TXNRD1: variants seen among roughly 807,000 people sequenced by gnomAD.
The protein encoded by TXNRD1 is thioredoxin reductase 1, also known as thioredoxin reductase 1, cytoplasmic.
In TXNRD1, 57 loss-of-function variants were observed where a neutral mutation model predicts 80.3. The observed-to-expected ratio is 0.71, with a 90% CI of 0.57 to 0.89. TXNRD1 has a LOEUF of 0.89. Among genes scored for constraint, TXNRD1 ranks in the 40% least tolerant of loss-of-function variants. The pLI, the probability that TXNRD1 is intolerant of heterozygous loss-of-function variation, is 0.00. For missense variants in TXNRD1, 730 were observed against 803.0 expected (o/e 0.91, Z 1.10); for synonymous variants, 291 against 285.2 (o/e 1.02, Z -0.20).
intron 3 of TXNRD1, chr12:104,286,860 C>A: frequency 9.2e-7 from 1 of 1,089,890 alleles, no homozygotes; most frequent in Non-Finnish European, 1.1e-6. Flanking sequence ...GTGGTGTCAC[C>A]CAATTAGGAG....
chr12:104,287,301 G>A (rs753640553), intron 3 of TXNRD1: 1 of 1,614,012 alleles, frequency 6.2e-7, no homozygotes, highest in Admixed American at 1.7e-5. Context: ...GCTTCGTGGC[G>A]TGTGCGGTTT....
chr12:104,345,892 G>A (rs901736599), intron 16 of TXNRD1: 6 of 1,130,086 alleles, frequency 5.3e-6, no homozygotes, highest in South Asian at 2.7e-5. Context: ...ACCCTTGTAC[G>A]AGTCCTGTGT....
chr12:104,318,367 A>G (rs1658790681), intron 7 of TXNRD1, among the ~76,000 whole-genome samples: 1 of 152,204 alleles, frequency 6.6e-6, no homozygotes, highest in African/African-American at 2.4e-5. Context: ...TTCTTGGGGC[A>G]TAGGGTCTCT....
intron 3 of TXNRD1, among the ~76,000 whole-genome samples, chr12:104,277,440 C>T (rs534866294): frequency 3.3e-4 from 50 of 151,584 alleles, no homozygotes; most frequent in Non-Finnish European, 6.2e-4. Context: ...TAGTGTGTGC[C>T]TCTGGCCAGC....
intron 13 of TXNRD1, among the ~76,000 whole-genome samples, chr12:104,331,247 A>C (rs2035937304): frequency 6.6e-6 from 1 of 152,184 alleles, no homozygotes; most frequent in South Asian, 2.1e-4. Context: ...AGGGGAAAAA[A>C]GTGTGTCATT....
chr12:104,305,734 A>G (rs554298643), intron 4 of TXNRD1, among the ~76,000 whole-genome samples: 99 of 152,318 alleles, frequency 6.5e-4, no homozygotes, highest in African/African-American at 2.2e-3. Context: ...ACTATTATAC[A>G]TTGAACACAA....
intron 1 of TXNRD1, among the ~76,000 whole-genome samples, chr12:104,240,594 G>A (rs557361603): frequency 6.6e-6 from 1 of 152,230 alleles, no homozygotes; most frequent in East Asian, 1.9e-4. Context: ...TTCTCAACTG[G>A]TATATAGTAT....
chr12:104,267,799 T>TTTCC (rs1217006695), intron 3 of TXNRD1, among the ~76,000 whole-genome samples: 290 of 141,048 alleles, frequency 2.1e-3, no homozygotes, highest in African/African-American at 7.3e-3. Flanking sequence ...TCCTTCCTTC[T>TTTCC]TTCCTTCCTT....
chr12:104,245,517 CAAAAAAAAAA>C (rs10622971), intron 1 of TXNRD1, among the ~76,000 whole-genome samples: 3 of 29,262 alleles, frequency 1.0e-4, no homozygotes, highest in African/African-American at 3.0e-4. Context: ...AACTCCATCT[CAAAAAAAAAA>C]AAAAAAAAAA....
intron 2 of TXNRD1, among the ~76,000 whole-genome samples, chr12:104,255,135 G>T (rs540871869): frequency 1.3e-5 from 2 of 151,786 alleles, no homozygotes; most frequent in Non-Finnish European, 2.9e-5. Context: ...TAAAAATTAA[G>T]AAATAAATAA....
At chr12:104,300,692 G>A (rs1447102148) in intron 4 of TXNRD1, among the ~76,000 whole-genome samples, 5 of 152,062 alleles carry the variant, frequency 3.3e-5, no homozygotes, top group Non-Finnish European at 5.9e-5. Flanking sequence ...TGTTTTTGAG[G>A]CGGGGTTTCG....
chr12:104,346,179 A>C, intron 16 of TXNRD1: 1 of 231,316 alleles, frequency 4.3e-6, no homozygotes, highest in South Asian at 5.1e-5. Flanking sequence ...TTTCCAGCTA[A>C]TATATATATA....
intron 1 of TXNRD1, among the ~76,000 whole-genome samples, chr12:104,229,259 C>T (rs2032554882): frequency 6.6e-6 from 1 of 150,416 alleles, no homozygotes; most frequent in African/African-American, 2.5e-5. Context: ...GCAATCCTCC[C>T]ACCTCAGCCT....
At chr12:104,314,100 G>A (rs1207052952) in intron 6 of TXNRD1, among the ~76,000 whole-genome samples, 2 of 152,186 alleles carry the variant, frequency 1.3e-5, no homozygotes, top group Non-Finnish European at 2.9e-5. Context: ...CTTCATGGTT[G>A]TGGCATGGAT....
chr12:104,325,523 C>A, intron 11 of TXNRD1, 94 bp downstream of exon 11: 1 of 879,384 alleles, frequency 1.1e-6, no homozygotes, highest in Non-Finnish European at 1.8e-6. Context: ...TTAGTGATTT[C>A]CAAATGTACT....
At chr12:104,231,829 G>T (rs1361365507) in intron 1 of TXNRD1, among the ~76,000 whole-genome samples, 1 of 152,050 alleles carries the variant, frequency 6.6e-6, no homozygotes, top group African/African-American at 2.4e-5. Flanking sequence ...ATCCCTTTTT[G>T]TTTCTTCCAA....
chr12:104,267,994 C>A (rs1939407410), intron 3 of TXNRD1, among the ~76,000 whole-genome samples: 1 of 151,286 alleles, frequency 6.6e-6, no homozygotes, highest in African/African-American at 2.4e-5. Context: ...GGATTACAGG[C>A]ACCTGCCACC....
At chr12:104,324,611 A>G (rs572752865) in intron 10 of TXNRD1, among the ~76,000 whole-genome samples, 2 of 149,242 alleles carry the variant, frequency 1.3e-5, no homozygotes, top group South Asian at 2.1e-4. Flanking sequence ...CGGCCTCCCA[A>G]AGTGCTGGGA....
At chr12:104,257,266 A>G (rs1430950159) in intron 2 of TXNRD1, among the ~76,000 whole-genome samples, 1 of 151,978 alleles carries the variant, frequency 6.6e-6, no homozygotes, top group Non-Finnish European at 1.5e-5. Context: ...ATAGTCTCAG[A>G]GCATAATAGG....
Sources: gnomAD v4.1 joint callset for allele counts (sites outside exome capture counted in the v4.1 genomes callset) on GRCh38, gnomAD v4.1.1 for gene constraint, MANE v1.5 for transcripts, NCBI Gene and HGNC (gene_info 2026-07-23, HGNC 2026-07-21) for gene names.